MSH3: variants seen among roughly 807,000 people sequenced by gnomAD.
The protein encoded by MSH3 is DNA mismatch repair protein Msh3.
In MSH3, 106 loss-of-function variants were observed where a neutral mutation model predicts 123.3. The observed-to-expected ratio is 0.86, with a 90% CI of 0.73 to 1.01. MSH3 has a LOEUF of 1.01. Among genes scored for constraint, MSH3 ranks in the 50% least tolerant of loss-of-function variants. The pLI is 0.00. For synonymous variants in MSH3, 515 were observed against 481.4 expected (o/e 1.07, Z -0.91); for missense variants, 1,459 against 1,347.6 (o/e 1.08, Z -1.29).
chr5:80,776,275 A>G (rs934144342), intron 16 of MSH3, among the ~76,000 whole-genome samples: 4 of 152,156 alleles, frequency 2.6e-5, no homozygotes, highest in African/African-American at 9.7e-5. Context: ...AAGGTATCTT[A>G]TTTTTACACA....
At chr5:80,850,549 G>A (rs1745813388) in intron 20 of MSH3, among the ~76,000 whole-genome samples, 1 of 152,172 alleles carries the variant, frequency 6.6e-6, no homozygotes, top group Non-Finnish European at 1.5e-5. Flanking sequence ...GATGGCAGCA[G>A]GCAAAGACAG....
chr5:80,822,155 C>T (rs1256269885), intron 20 of MSH3, among the ~76,000 whole-genome samples: 1 of 152,168 alleles, frequency 6.6e-6, no homozygotes, highest in African/African-American at 2.4e-5. Context: ...TGTACAAGTT[C>T]TCCAGCATCC....
In MSH3 at chr5:80,657,536, A is replaced by G. The variant is rs192167756; in HGVS notation, c.358+1005A>G. ...TGGATTTCTAGAGGTGGTGTTGCAT[A>G]TAGACAGTTGAGCAGATTTTTCTCT... On this transcript the variant is annotated intron_variant, in intron 2 of 23. Coordinates refer to ENST00000265081, the MANE Select transcript of MSH3 (RefSeq NM_002439.5). Among the ~76,000 whole-genome samples the G allele has an allele frequency of 3.9e-3, 593 of 152,280 alleles. 4 individuals carry two copies. Among genetic ancestry groups the G allele is most frequent in the African/African-American group, 0.014 (565 of 41,560 alleles).
intron 8 of MSH3, among the ~76,000 whole-genome samples, chr5:80,708,392 T>A (rs1750766458): frequency 6.6e-6 from 1 of 152,154 alleles, no homozygotes; most frequent in South Asian, 2.1e-4. Flanking sequence ...TAGAAAAGAC[T>A]TTTATATGCA....
At chr5:80,807,943 A>T (rs1744921884) in intron 19 of MSH3, among the ~76,000 whole-genome samples, 1 of 151,998 alleles carries the variant, frequency 6.6e-6, no homozygotes, top group Non-Finnish European at 1.5e-5. Flanking sequence ...CAGGCTGGGA[A>T]TTTTTTTTCC....
chr5:80,833,739 C>A (rs1351121486), intron 20 of MSH3, among the ~76,000 whole-genome samples: 1 of 152,208 alleles, frequency 6.6e-6, no homozygotes, highest in East Asian at 1.9e-4. Flanking sequence ...CCTCGCACAG[C>A]CAAACTTTCT....
At chr5:80,681,710 A>T (rs1749972593) in intron 8 of MSH3, among the ~76,000 whole-genome samples, 1 of 151,842 alleles carries the variant, frequency 6.6e-6, no homozygotes, top group African/African-American at 2.4e-5. Context: ...CAACACATTC[A>T]TTTTTTTGTT....
intron 20 of MSH3, among the ~76,000 whole-genome samples, chr5:80,830,130 G>GCCAAA (rs1216678853): frequency 6.6e-6 from 1 of 151,324 alleles, no homozygotes; most frequent in Non-Finnish European, 1.5e-5. Flanking sequence ...TTTTTTCTTA[G>GCCAAA]CCAAGCTAGA....
chr5:80,783,160 T>C (rs575913528), intron 17 of MSH3, among the ~76,000 whole-genome samples: 1 of 152,338 alleles, frequency 6.6e-6, no homozygotes, highest in East Asian at 1.9e-4. Flanking sequence ...ATCATAACAC[T>C]ATAACAGCTT....
chr5:80,770,544 A>G (rs114026312), intron 15 of MSH3, among the ~76,000 whole-genome samples: 1,606 of 152,308 alleles, frequency 0.011, 33 homozygotes, highest in African/African-American at 0.037. Flanking sequence ...TCTTATAACA[A>G]TGCCCAAAAG....
At chr5:80,688,433 A>T (rs957049908) in intron 8 of MSH3, among the ~76,000 whole-genome samples, 3 of 152,232 alleles carry the variant, frequency 2.0e-5, no homozygotes, top group Non-Finnish European at 4.4e-5. Flanking sequence ...ATGCGGAGGC[A>T]TAGTACCACC....
intron 8 of MSH3, among the ~76,000 whole-genome samples, chr5:80,718,242 G>GT (rs1751002734): frequency 6.6e-6 from 1 of 152,000 alleles, no homozygotes; most frequent in South Asian, 2.1e-4. Context: ...TATCCTTATG[G>GT]TTTAATTTTG....
At chr5:80,728,406 T>C (rs1435291037) in intron 9 of MSH3, among the ~76,000 whole-genome samples, 1 of 152,242 alleles carries the variant, frequency 6.6e-6, no homozygotes, top group Non-Finnish European at 1.5e-5. Flanking sequence ...AGTTGGTACA[T>C]AATAACCAGG....
intron 20 of MSH3, among the ~76,000 whole-genome samples, chr5:80,834,910 A>G (rs962434096): frequency 6.6e-6 from 1 of 152,160 alleles, no homozygotes; most frequent in African/African-American, 2.4e-5. Context: ...CCTAATAAGT[A>G]TTTGTCTCTT....
Position 80,677,303 on chromosome 5 carries a change from G to A in MSH3, c.1174-1624G>A, listed in dbSNP as rs6151660. Among the ~76,000 whole-genome samples the A allele has an allele frequency of 3.9e-3, 593 of 152,222 alleles. 3 individuals are homozygous for A. Among genetic ancestry groups the A allele is most frequent in the Admixed American group, 8.1e-3 (123 of 15,262 alleles). ...GCTCTGTGCCTTCAGTCTGGGCAGTGCAGTTTTATACACACTGATTTTAGG... is the reference window on the plus strand; with the variant it reads ...GCTCTGTGCCTTCAGTCTGGGCAGTACAGTTTTATACACACTGATTTTAGG... On this transcript the variant is annotated intron_variant, in intron 7 of 23. Coordinates refer to ENST00000265081, the MANE Select transcript of MSH3 (RefSeq NM_002439.5).
At chr5:80,766,806 G>A (rs1313120448) in intron 13 of MSH3, among the ~76,000 whole-genome samples, 2 of 151,902 alleles carry the variant, frequency 1.3e-5, no homozygotes, top group Non-Finnish European at 2.9e-5. Flanking sequence ...GCAGTAAAGG[G>A]TAAAAAGTCT....
At chr5:80,862,051 G>A (rs992973874) in intron 21 of MSH3, among the ~76,000 whole-genome samples, 1 of 152,094 alleles carries the variant, frequency 6.6e-6, no homozygotes, top group Non-Finnish European at 1.5e-5. Context: ...TCTCTGGATA[G>A]GGAAGAGAGA....
chr5:80,786,312 T>A (rs1158485178), intron 17 of MSH3, among the ~76,000 whole-genome samples: 1 of 152,182 alleles, frequency 6.6e-6, no homozygotes, highest in African/African-American at 2.4e-5. Flanking sequence ...GCTCAATTGC[T>A]TTAGGCTAAC....
chr5:80,693,553 ATG>A (rs1750388969), intron 8 of MSH3, among the ~76,000 whole-genome samples: 3 of 149,090 alleles, frequency 2.0e-5, no homozygotes, highest in Admixed American at 6.6e-5. Context: ...ATGCACATGT[ATG>A]TGTTTATATA....
Sources: allele counts gnomAD v4.1 joint callset (sites outside exome capture counted in the v4.1 genomes callset), GRCh38; gene constraint gnomAD v4.1.1; transcripts MANE v1.5; gene names NCBI Gene and HGNC (gene_info 2026-07-23, HGNC 2026-07-21).